SLC26A4: variants seen among roughly 807,000 people sequenced by gnomAD.
The protein encoded by SLC26A4 is solute carrier family 26 member 4.
In SLC26A4, 93 loss-of-function variants were observed where a neutral mutation model predicts 90.4. That is an observed-to-expected ratio of 1.03 (90% CI 0.87 to 1.22). The LOEUF (loss-of-function observed/expected upper bound fraction) is 1.22. Among genes scored for constraint, SLC26A4 ranks in the 50% most tolerant of loss-of-function variants. The pLI is 0.00. For synonymous variants in SLC26A4, 393 were observed against 354.6 expected, an observed-to-expected ratio of 1.11 and a Z score of -1.22; for missense variants, 1,127 against 946.2, an observed-to-expected ratio of 1.19 and a Z score of -2.51.
intron 18 of SLC26A4, among the ~76,000 whole-genome samples, chr7:107,707,639 C>G (rs1396540416): frequency 1.3e-5 from 2 of 152,146 alleles, no homozygotes; most frequent in Admixed American, 6.5e-5. Flanking sequence ...TATACCAAGA[C>G]CTATCACATT....
intron 3 of SLC26A4, among the ~76,000 whole-genome samples, chr7:107,670,291 T>C (rs1270629770): frequency 6.6e-6 from 1 of 152,000 alleles, no homozygotes; most frequent in East Asian, 1.9e-4. Context: ...GTATTTTTAG[T>C]AGAGACGGGG....
At chr7:107,689,858 T>C (rs775893240) in intron 9 of SLC26A4, among the ~76,000 whole-genome samples, 3 of 152,204 alleles carry the variant, frequency 2.0e-5, no homozygotes, top group African/African-American at 7.2e-5. Context: ...CACTAGGCAG[T>C]GAAAAAGCTT....
At chr7:107,665,857 C>T (rs1020523087) in intron 3 of SLC26A4, among the ~76,000 whole-genome samples, 2 of 152,114 alleles carry the variant, frequency 1.3e-5, no homozygotes, top group Non-Finnish European at 2.9e-5. Context: ...GATTTTAATC[C>T]GGTGTCTATT....
chr7:107,670,061 G>T (rs1584301819), intron 3 of SLC26A4, among the ~76,000 whole-genome samples: 1 of 151,066 alleles, frequency 6.6e-6, no homozygotes, highest in East Asian at 1.9e-4. Context: ...ATTGTGTATT[G>T]TGTTTCTTGT....
rs776146889 is a variant in SLC26A4, at chr7:107,689,075, C to T, written c.1024C>T (p.Pro342Ser). 1.5e-5 allele frequency: 25 copies of T among 1,613,912 alleles called. No homozygotes were observed. The highest frequency in any genetic ancestry group is 8.5e-6 in the Non-Finnish European group (10 of 1,179,850). ...TAGGTTTTTGCCTCCTGAACTTCCACCTGTGAGCTTGTTCTCGGAGATGCT... is the reference window on the plus strand; with the variant it reads ...TAGGTTTTTGCCTCCTGAACTTCCATCTGTGAGCTTGTTCTCGGAGATGCT... ...PRGFLPPELP[P>S]VSLFSEMLAA... is the part of the protein sequence containing the mutation. Residue 342 changes from proline (P) to serine (S), a missense_variant, in exon 9 of 21, where the codon CCT becomes TCT. By Grantham distance (74) the Pro-to-Ser change is moderately conservative. Transcript: ENST00000644269.
At chr7:107,682,536 C>T (rs1791268575) in intron 6 of SLC26A4, among the ~76,000 whole-genome samples, 1 of 152,038 alleles carries the variant, frequency 6.6e-6, no homozygotes, top group African/African-American at 2.4e-5. Context: ...CCTGTATCCA[C>T]ATATGAAGTA....
chr7:107,686,441 C>CTTTCTTTCTTTCTTTTCTTTCTTTCTT, intron 8 of SLC26A4, among the ~76,000 whole-genome samples: 2 of 116,802 alleles, frequency 1.7e-5, no homozygotes, highest in African/African-American at 6.9e-5. Flanking sequence ...TTCTTTCTTT[C>CTTTCTTTCTTTCTTTTCTTTCTTTCTT]TTTCTTTCTT....
intron 5 of SLC26A4, 74 bp from the exon 6 acceptor site, chr7:107,674,871 G>A: frequency 1.4e-6 from 2 of 1,404,076 alleles, no homozygotes; most frequent in Non-Finnish European, 2.0e-6. Flanking sequence ...TATTAAGCTT[G>A]ATGTAATATT....
In SLC26A4 at chr7:107,661,750, G is replaced by T. The variant is rs371544695; in HGVS notation, c.109G>T (p.Glu37Ter). ...CGAGCTCGCTTTCCAGCAACAGCAC[G>T]AGCGGCGCCTGCAGGAGCGCAAGAC... ...YSELAFQQQHERRLQERKTLR... is the reference protein window; with the variant it reads ...YSELAFQQQH Residue 37 changes from glutamate to a stop codon, truncating the protein, a stop_gained, in exon 2 of 21, where the codon GAG becomes TAG. Transcript: ENST00000644269. LOFTEE classifies it high-confidence loss of function. This position sits in a 1 kb window ranked among gnomAD's most constrained non-coding sequence, Gnocchi z 5.1. 1.3e-6 allele frequency: 2 copies of T among 1,547,956 alleles called. No individual in the cohort carries two copies. Among genetic ancestry groups the T allele is most frequent in the South Asian group, 1.2e-5 (1 of 84,486 alleles).
In SLC26A4 at chr7:107,705,019, C is replaced by T. The variant is rs182888349; in HGVS notation, c.2089+634C>T. On this transcript the variant is annotated intron_variant, in intron 18 of 20. Coordinates refer to ENST00000644269, the MANE Select transcript of SLC26A4 (RefSeq NM_000441.2). ...ACTATGTGCCTGTGCCTTGCATGAC[C>T]CCAGGATGGGCACAGCTGCTTGGCC... is the stretch of plus-strand genomic sequence containing the variant. Among the ~76,000 whole-genome samples the T allele has an allele frequency of 1.6e-3, 239 of 152,122 alleles. 2 individuals carry two copies. Among genetic ancestry groups the T allele is most frequent in the African/African-American group, 5.4e-3 (223 of 41,472 alleles).
chr7:107,689,756 G>C (rs1391292794), intron 9 of SLC26A4, among the ~76,000 whole-genome samples: 1 of 152,146 alleles, frequency 6.6e-6, no homozygotes, highest in Admixed American at 6.6e-5. Context: ...TAGTAATCAA[G>C]CAGAATAACA....
chr7:107,677,184 C>T (rs1791046093), intron 6 of SLC26A4, among the ~76,000 whole-genome samples: 1 of 151,962 alleles, frequency 6.6e-6, no homozygotes, highest in South Asian at 2.1e-4. Context: ...TCTCAAACAA[C>T]AATAACAGCA....
At chr7:107,713,937 C>T (rs1294643923) in intron 20 of SLC26A4, among the ~76,000 whole-genome samples, 3 of 151,746 alleles carry the variant, frequency 2.0e-5, no homozygotes, top group Non-Finnish European at 4.4e-5. Context: ...TTATTTGTGA[C>T]TGAGTCTTAC....
intron 16 of SLC26A4, 27 bp from the exon 17 acceptor site, chr7:107,701,800 T>G (rs1214391398): frequency 7.3e-7 from 1 of 1,367,288 alleles, no homozygotes; most frequent in East Asian, 2.3e-5. Flanking sequence ...CTTTGACAAT[T>G]AAGTTGACAG....
chr7:107,714,106 A>C (rs1292514967), intron 20 of SLC26A4, among the ~76,000 whole-genome samples: 1 of 151,008 alleles, frequency 6.6e-6, no homozygotes, highest in Non-Finnish European at 1.5e-5. Flanking sequence ...TTGTATTCTT[A>C]GTAGAGACAG....
chr7:107,661,960 T>C lies in SLC26A4; in HGVS notation c.164+155T>C, dbSNP rs1584293392. On this transcript the variant is annotated intron_variant, in intron 2 of 20. Coordinates refer to ENST00000644269, the MANE Select transcript of SLC26A4 (RefSeq NM_000441.2). This position sits in a 1 kb window ranked among gnomAD's most constrained non-coding sequence, Gnocchi z 5.1. ...CAGAGGCCCGACTTTCGGTCTCCGG[T>C]CCTCCACGCCGCCCTTCTGGTGGGA... 2 of 783,554 alleles carry C rather than the reference T, an allele frequency of 2.6e-6. No homozygotes were observed. Among genetic ancestry groups the C allele is most frequent in the Admixed American group, 5.7e-5 (2 of 34,986 alleles). The allele number at this position is 783,554 out of a possible 1,614,324, so 48.5% of individuals were successfully genotyped here.
chr7:107,700,284 CT>C, intron 15 of SLC26A4, 109 bp downstream of exon 15: 1 of 695,736 alleles, frequency 1.4e-6, no homozygotes, highest in South Asian at 1.6e-5. Flanking sequence ...ACCCTCTTCC[CT>C]TTGTGTAGGG....
At chr7:107,662,290 T>C (rs1790582399) in intron 2 of SLC26A4, 1 of 157,044 alleles carries the variant, frequency 6.4e-6, no homozygotes. Context: ...AAGTACTTCA[T>C]CAGCAGGCTG....
Position 107,678,979 on chromosome 7 carries a change from C to T in SLC26A4, c.765+3870C>T, listed in dbSNP as rs189511456. On this transcript the variant is annotated intron_variant, in intron 6 of 20. Transcript: ENST00000644269. The stretch of plus-strand genomic sequence containing the variant: ...GTTGCACTTTGGTTTGTCCTGCCCT[C>T]TCCCCCAAAAAGGTGCTGACAACTA... 2.1e-3 allele frequency among the ~76,000 whole-genome samples: 324 copies of T among 152,230 alleles called. 1 individual carries two copies. The highest frequency in any genetic ancestry group is 3.6e-3 in the Non-Finnish European group (243 of 68,010).
Sources: gnomAD v4.1 joint callset for allele counts (sites outside exome capture counted in the v4.1 genomes callset) on GRCh38, gnomAD v4.1.1 for gene constraint, Gnocchi (gnomAD v3.1) non-coding constraint, MANE v1.5 for transcripts, NCBI Gene and HGNC (gene_info 2026-07-23, HGNC 2026-07-21) for gene names.